LRRC37A2: variants seen among roughly 807,000 people sequenced by gnomAD.
The protein encoded by LRRC37A2 is leucine-rich repeat-containing protein 37A2.
In LRRC37A2, 9 loss-of-function variants were observed where a neutral mutation model predicts 68.8. The observed-to-expected ratio is 0.13, with a 90% CI of 0.08 to 0.23. LRRC37A2 has a LOEUF of 0.23. LRRC37A2 is among the 10% of genes least tolerant of loss of function. LRRC37A2 has a pLI of 1.00. For missense variants in LRRC37A2, 168 were observed against 950.4 expected, an observed-to-expected ratio of 0.18 and a Z score of 10.82; for synonymous variants, 63 against 367.6, an observed-to-expected ratio of 0.17 and a Z score of 9.48.
At chr17:47,027,696 A>C in the LRRC37A2 span, 9 of 766,012 alleles carry the variant, frequency 1.2e-5, no homozygotes, top group Non-Finnish European at 2.0e-5. Context: ...CCTCTTTGCT[A>C]TTCTTGAAAT....
At chr17:46,491,185 C>T in the LRRC37A2 span, among the ~76,000 whole-genome samples, 59 of 151,330 alleles carry the variant, frequency 3.9e-4, 4 homozygotes, top group African/African-American at 1.4e-3. Flanking sequence ...GCGTGAGCCA[C>T]TGCACCTGGC....
At chr17:46,816,471 A>ACACG in the LRRC37A2 span, among the ~76,000 whole-genome samples, 93 of 78,972 alleles carry the variant, frequency 1.2e-3, no homozygotes, top group African/African-American at 5.6e-3. Context: ...GACCCAGAAC[A>ACACG]CACGCACACA....
the LRRC37A2 span, chr17:46,931,233 C>T: frequency 1.9e-6 from 2 of 1,049,002 alleles, no homozygotes; most frequent in Non-Finnish European, 3.0e-6. Flanking sequence ...TGACATGGCT[C>T]TGATACTCCA....
the LRRC37A2 span, chr17:46,940,581 C>T: frequency 6.2e-7 from 1 of 1,614,218 alleles, no homozygotes; most frequent in Non-Finnish European, 8.5e-7. Flanking sequence ...CCAGACAGCA[C>T]ACTTTGGAGG....
the LRRC37A2 span, among the ~76,000 whole-genome samples, chr17:46,734,828 A>G: frequency 6.6e-6 from 1 of 152,186 alleles, no homozygotes. Flanking sequence ...AGGCCAAGGC[A>G]GGAAGATTGC....
chr17:46,791,904 G>C, the LRRC37A2 span, among the ~76,000 whole-genome samples: 1 of 152,242 alleles, frequency 6.6e-6, no homozygotes, highest in Admixed American at 6.5e-5. Context: ...GCTGGGTGTG[G>C]TGGTGCACAC....
chr17:46,900,187 A>G, the LRRC37A2 span, among the ~76,000 whole-genome samples: 5 of 126,940 alleles, frequency 3.9e-5, no homozygotes, highest in East Asian at 4.3e-4. Context: ...ATATATATAT[A>G]TATATATATA....
At chr17:46,966,784 G>T in the LRRC37A2 span, 1 of 427,434 alleles carries the variant, frequency 2.3e-6, no homozygotes, top group East Asian at 3.5e-5. Context: ...TGCCTTGCAA[G>T]AATTATTTGA....
chr17:47,026,570 T>C, the LRRC37A2 span, among the ~76,000 whole-genome samples: 426 of 152,242 alleles, frequency 2.8e-3, 2 homozygotes, highest in Admixed American at 5.1e-3. Flanking sequence ...ATGATGACTG[T>C]GTGCAGGATA....
the LRRC37A2 span, among the ~76,000 whole-genome samples, chr17:46,595,386 T>C: frequency 1.4e-5 from 1 of 73,506 alleles, no homozygotes; most frequent in African/African-American, 1.3e-4. Flanking sequence ...TTTTTTTACA[T>C]GTGTATAATG....
At chr17:46,516,496 TAGG>T (rs1318622884) in intron 2 of LRRC37A2, among the ~76,000 whole-genome samples, 2 of 143,682 alleles carry the variant, frequency 1.4e-5, no homozygotes, top group East Asian at 4.1e-4. Flanking sequence ...ATTTGTTAAA[TAGG>T]AGAAAAATGG....
At chr17:46,817,002 C>T in the LRRC37A2 span, among the ~76,000 whole-genome samples, 2 of 152,202 alleles carry the variant, frequency 1.3e-5, no homozygotes, top group South Asian at 2.1e-4. Flanking sequence ...CTGGAAGCCT[C>T]AGGTTAGCCC....
the LRRC37A2 span, among the ~76,000 whole-genome samples, chr17:46,439,385 C>CAAA: frequency 2.2e-5 from 3 of 137,046 alleles, no homozygotes; most frequent in Non-Finnish European, 3.1e-5. Context: ...TACATAGAGC[C>CAAA]AAAAAAAAAA....
At chr17:46,901,174 T>G in the LRRC37A2 span, among the ~76,000 whole-genome samples, 1 of 152,022 alleles carries the variant, frequency 6.6e-6, no homozygotes, top group Non-Finnish European at 1.5e-5. Context: ...ATTATTATTA[T>G]TTTTTTAGAT....
the LRRC37A2 span, among the ~76,000 whole-genome samples, chr17:46,889,323 C>T: frequency 6.6e-6 from 1 of 152,078 alleles, no homozygotes; most frequent in African/African-American, 2.4e-5. Context: ...GAAGTGCCTC[C>T]CTGGGCGTGG....
the LRRC37A2 span, among the ~76,000 whole-genome samples, chr17:46,925,255 G>A: frequency 6.6e-6 from 1 of 152,200 alleles, no homozygotes; most frequent in South Asian, 2.1e-4. Flanking sequence ...ATGTACCTGT[G>A]TTCCAGTACA....
At chr17:46,642,308 A>G in the LRRC37A2 span, among the ~76,000 whole-genome samples, 2 of 110,428 alleles carry the variant, frequency 1.8e-5, 1 homozygote, top group Non-Finnish European at 3.9e-5. Context: ...CACCTCAAAT[A>G]TTTAGCATTT....
At chr17:46,832,801 G>C in the LRRC37A2 span, 1 of 153,238 alleles carries the variant, frequency 6.5e-6, no homozygotes, top group Non-Finnish European at 1.5e-5. Flanking sequence ...GGCTGGCAGG[G>C]CAGGGAGATC....
the LRRC37A2 span, among the ~76,000 whole-genome samples, chr17:46,815,027 A>G: frequency 6.6e-6 from 1 of 152,118 alleles, no homozygotes; most frequent in Non-Finnish European, 1.5e-5. Flanking sequence ...AAGGAAGCAG[A>G]CCCAGATGGG....
Sources: gnomAD v4.1 joint callset for allele counts (sites outside exome capture counted in the v4.1 genomes callset) on GRCh38, gnomAD v4.1.1 for gene constraint, MANE v1.5 for transcripts, NCBI Gene and HGNC (gene_info 2026-07-23, HGNC 2026-07-21) for gene names.